The following NFIB variants were observed in gnomAD, a reference collection of about 807,000 sequenced individuals.
NFIB encodes the protein nuclear factor 1 B-type.
Under a neutral mutation model 61.5 loss-of-function variants are expected in NFIB, and 11 were observed. The ratio of observed to expected loss-of-function variants is 0.18; its 90% CI spans 0.11 to 0.30. The LOEUF (loss-of-function observed/expected upper bound fraction) is 0.30. NFIB is among the 10% of genes least tolerant of loss of function. The pLI is 1.00. For missense variants in NFIB, 471 were observed against 608.9 expected, an observed-to-expected ratio of 0.77 and a Z score of 2.38; for synonymous variants, 260 against 216.5, an observed-to-expected ratio of 1.20 and a Z score of -1.76.
chr9:14,438,483 T>C, the NFIB span, among the ~76,000 whole-genome samples: 179 of 152,344 alleles, frequency 1.2e-3, no homozygotes, highest in Admixed American at 4.4e-3. Context: ...GTAAACTGCC[T>C]GGAGTGATTT....
the NFIB span, among the ~76,000 whole-genome samples, chr9:14,520,990 C>G: frequency 6.6e-6 from 1 of 152,138 alleles, no homozygotes; most frequent in Non-Finnish European, 1.5e-5. Context: ...CCATCTGGTT[C>G]TTTGGATGCT....
the NFIB span, among the ~76,000 whole-genome samples, chr9:14,414,473 T>G: frequency 1.6e-4 from 23 of 146,550 alleles, no homozygotes; most frequent in Non-Finnish European, 3.1e-4. Context: ...TGGACATAAC[T>G]GGATACCAAA....
the NFIB span, among the ~76,000 whole-genome samples, chr9:14,518,957 C>T: frequency 6.6e-6 from 1 of 152,120 alleles, no homozygotes; most frequent in South Asian, 2.1e-4. Context: ...GGGGAAAGTC[C>T]AGGCCCCAGT....
intron 7 of NFIB, among the ~76,000 whole-genome samples, chr9:14,121,624 T>C (rs2038951631): frequency 6.6e-6 from 1 of 152,236 alleles, no homozygotes; most frequent in South Asian, 2.1e-4. Context: ...TCTGCAACTA[T>C]TTTTCTTTCT....
chr9:14,218,230 C>T (rs1314066093), intron 2 of NFIB, among the ~76,000 whole-genome samples: 3 of 152,138 alleles, frequency 2.0e-5, no homozygotes. Flanking sequence ...ACATTATCAC[C>T]ATATTGAAGC....
chr9:14,268,974 T>C (rs1217286291), intron 2 of NFIB, among the ~76,000 whole-genome samples: 4 of 152,204 alleles, frequency 2.6e-5, no homozygotes, highest in African/African-American at 9.7e-5. Flanking sequence ...AGTATCAATC[T>C]CCACTTACCA....
chr9:14,347,986 G>T (rs1327872195), intron 1 of NFIB, among the ~76,000 whole-genome samples: 1 of 152,182 alleles, frequency 6.6e-6, no homozygotes, highest in Non-Finnish European at 1.5e-5. Context: ...GGTCCTTGGC[G>T]GGGACGTTGG....
upstream of NFIB, chr9:14,314,229 G>T: frequency 1.3e-6 from 1 of 756,156 alleles, no homozygotes; most frequent in Non-Finnish European, 1.6e-6. Flanking sequence ...TGAGGGAGGG[G>T]GCGCGAGCGC....
At chr9:14,210,306 T>G (rs1016711708) in intron 2 of NFIB, among the ~76,000 whole-genome samples, 1 of 150,434 alleles carries the variant, frequency 6.6e-6, no homozygotes, top group Non-Finnish European at 1.5e-5. Flanking sequence ...AAACATTTTT[T>G]GTGGTTAAGA....
At chr9:14,452,221 TAC>T in the NFIB span, among the ~76,000 whole-genome samples, 1 of 152,068 alleles carries the variant, frequency 6.6e-6, no homozygotes, top group Non-Finnish European at 1.5e-5. Flanking sequence ...GGAGGGGTGG[TAC>T]AGTTAGAGGT....
chr9:14,187,010 T>C (rs2047411699), intron 2 of NFIB, among the ~76,000 whole-genome samples: 1 of 13,114 alleles, frequency 7.6e-5, no homozygotes, highest in East Asian at 1.1e-3. Context: ...CGCTCCTGTG[T>C]GTGTGTGTGT....
the NFIB span, among the ~76,000 whole-genome samples, chr9:14,436,345 T>C: frequency 6.6e-6 from 1 of 152,186 alleles, no homozygotes; most frequent in African/African-American, 2.4e-5. Context: ...GAATCTCAGC[T>C]TGGAGAACTC....
At chr9:14,126,058 G>C (rs2039603873) in intron 6 of NFIB, among the ~76,000 whole-genome samples, 1 of 152,032 alleles carries the variant, frequency 6.6e-6, no homozygotes, top group African/African-American at 2.4e-5. Context: ...TTAGCCCCTT[G>C]GTTCACACAA....
chr9:14,290,436 C>T (rs1051574872), intron 2 of NFIB, among the ~76,000 whole-genome samples: 2 of 152,006 alleles, frequency 1.3e-5, no homozygotes. Context: ...GCGGTAAGCA[C>T]TTCACAAGTA....
At chr9:14,410,696 G>A in the NFIB span, among the ~76,000 whole-genome samples, 1 of 152,106 alleles carries the variant, frequency 6.6e-6, no homozygotes, top group Non-Finnish European at 1.5e-5. Context: ...CTGCTCTCCT[G>A]GGAGCATCAT....
intron 3 of NFIB, among the ~76,000 whole-genome samples, chr9:14,176,450 C>T (rs1417847695): frequency 6.6e-6 from 1 of 152,082 alleles, no homozygotes. Flanking sequence ...TTACGGTGCC[C>T]ACCCCTGCCA....
At chr9:14,226,623 T>A (rs1312861071) in intron 2 of NFIB, among the ~76,000 whole-genome samples, 1 of 151,908 alleles carries the variant, frequency 6.6e-6, no homozygotes, top group Non-Finnish European at 1.5e-5. Flanking sequence ...TTTATTAATA[T>A]AAGCATATAT....
chr9:14,292,208 G>A (rs10810126), intron 2 of NFIB, among the ~76,000 whole-genome samples: 47,912 of 151,806 alleles, frequency 0.32, 8,056 homozygotes, highest in East Asian at 0.51. Context: ...TAAAAGTAAC[G>A]CATCCAAAGA....
chr9:14,306,942 T>A, intron 2 of NFIB, 47 bp downstream of exon 2: 1 of 1,597,192 alleles, frequency 6.3e-7, no homozygotes, highest in Non-Finnish European at 8.5e-7. Context: ...TACGGAGATT[T>A]GTAGGCGGTG....
Sources: gnomAD v4.1 joint callset for allele counts (sites outside exome capture counted in the v4.1 genomes callset) on GRCh38, gnomAD v4.1.1 for gene constraint, MANE v1.5 for transcripts, NCBI Gene and HGNC (gene_info 2026-07-23, HGNC 2026-07-21) for gene names.